Variants in PCDH9 observed in about 807,000 individuals in gnomAD.
PCDH9 encodes protocadherin 9.
In PCDH9, 24 loss-of-function variants were observed where a neutral mutation model predicts 70.6. The observed-to-expected ratio is 0.34, with a 90% CI of 0.25 to 0.48. The LOEUF (loss-of-function observed/expected upper bound fraction) is 0.48. Among genes scored for constraint, PCDH9 ranks in the 20% least tolerant of loss-of-function variants. The pLI is 0.99. For missense variants in PCDH9, 1,281 were observed against 1,503.6 expected (o/e 0.85, Z 2.45); for synonymous variants, 562 against 558.5 (o/e 1.01, Z -0.09).
intron 3 of PCDH9, among the ~76,000 whole-genome samples, chr13:66,736,913 T>A (rs1255436066): frequency 6.6e-6 from 1 of 152,196 alleles, no homozygotes; most frequent in Admixed American, 6.5e-5. Context: ...AACCCTTAAC[T>A]GCCACCTTCT....
At chr13:67,003,010 T>C (rs1241809944) in intron 2 of PCDH9, among the ~76,000 whole-genome samples, 1 of 152,048 alleles carries the variant, frequency 6.6e-6, no homozygotes, top group African/African-American at 2.4e-5. Context: ...ATGTTAAATG[T>C]AGAAGTCAAA....
At chr13:66,503,977 C>A (rs1220926034) in intron 4 of PCDH9, among the ~76,000 whole-genome samples, 4 of 152,150 alleles carry the variant, frequency 2.6e-5, no homozygotes, top group Admixed American at 1.3e-4. Context: ...CAGGCTGTGT[C>A]GTAACTACGT....
chr13:67,167,855 G>A lies in PCDH9; in HGVS notation c.3036+57550C>T, dbSNP rs117215603. Among the ~76,000 whole-genome samples, 949 of 152,222 alleles carry A rather than the reference G, an allele frequency of 6.2e-3. 6 individuals carry two copies. Among genetic ancestry groups the A allele is most frequent in the Non-Finnish European group, 7.4e-3 (504 of 68,022 alleles). ...CTCATAACCCAATATGTTAGCAATA[G>A]CATTAAGACTAATGCATACAGGGAT... is the stretch of plus-strand genomic sequence containing the variant. On this transcript the variant is annotated intron_variant, in intron 2 of 4. Transcript: ENST00000377865.
rs1039552719 is a variant in PCDH9, at chr13:66,739,519, A to G, written c.3139-108108T>C. Among the ~76,000 whole-genome samples, 190 of 144,846 alleles carry G rather than the reference A, an allele frequency of 1.3e-3. 2 individuals carry two copies. The highest frequency in any genetic ancestry group is 2.4e-3 in the Non-Finnish European group (156 of 65,426). ...TTAACTTTAAATGTAAATGGACTAA[A>G]TTCTCCAATTAAAAGACACAGACTG... On this transcript the variant is annotated intron_variant, in intron 3 of 4. Transcript: ENST00000377865.
intron 3 of PCDH9, among the ~76,000 whole-genome samples, chr13:66,664,351 T>G (rs1338813032): frequency 6.6e-6 from 1 of 152,214 alleles, no homozygotes; most frequent in Admixed American, 6.5e-5. Flanking sequence ...AATAGTAGTT[T>G]GTTATGACTT....
chr13:66,672,447 C>T (rs1005223610), intron 3 of PCDH9, among the ~76,000 whole-genome samples: 5 of 152,116 alleles, frequency 3.3e-5, no homozygotes, highest in Non-Finnish European at 5.9e-5. Context: ...GGGAAGAGCC[C>T]TCATGCAGAA....
chr13:67,160,194 G>A (rs1169218197), intron 2 of PCDH9, among the ~76,000 whole-genome samples: 1 of 152,106 alleles, frequency 6.6e-6, no homozygotes, highest in African/African-American at 2.4e-5. Context: ...TACTCCAAAA[G>A]TTTTATAAGT....
At chr13:66,866,724 G>A (rs1213609565) in intron 3 of PCDH9, among the ~76,000 whole-genome samples, 1 of 151,902 alleles carries the variant, frequency 6.6e-6, no homozygotes, top group Non-Finnish European at 1.5e-5. Context: ...TTGAACCCAG[G>A]ATACGGAGGT....
intron 2 of PCDH9, among the ~76,000 whole-genome samples, chr13:67,080,094 G>A (rs779461586): frequency 2.0e-5 from 3 of 152,164 alleles, no homozygotes; most frequent in South Asian, 4.1e-4. Flanking sequence ...TGGCTGCCTC[G>A]GGCACACTTT....
intron 4 of PCDH9, among the ~76,000 whole-genome samples, chr13:66,581,404 T>C (rs762054207): frequency 6.6e-6 from 1 of 152,138 alleles, no homozygotes; most frequent in Non-Finnish European, 1.5e-5. Flanking sequence ...AATAAGGAGA[T>C]TAACATTAAA....
chr13:67,040,333 TC>T, intron 2 of PCDH9, among the ~76,000 whole-genome samples: 1 of 152,210 alleles, frequency 6.6e-6, no homozygotes, highest in African/African-American at 2.4e-5. Flanking sequence ...CTGAAACTGC[TC>T]GTGGTGGTAA....
intron 2 of PCDH9, among the ~76,000 whole-genome samples, chr13:67,144,113 G>A (rs1433736739): frequency 6.6e-6 from 1 of 152,142 alleles, no homozygotes; most frequent in Non-Finnish European, 1.5e-5. Context: ...TGTGTGAAGA[G>A]GAAATGCAAA....
At chr13:67,229,036 A>T (rs1207833295) in intron 1 of PCDH9, among the ~76,000 whole-genome samples, 1 of 152,156 alleles carries the variant, frequency 6.6e-6, no homozygotes, top group African/African-American at 2.4e-5. Flanking sequence ...TATCTTTTCT[A>T]AAAAGGCTAT....
intron 2 of PCDH9, among the ~76,000 whole-genome samples, chr13:66,905,322 A>G (rs1169341881): frequency 2.0e-5 from 3 of 152,094 alleles, no homozygotes; most frequent in Non-Finnish European, 4.4e-5. Context: ...GGTTTCATGT[A>G]TCATATAGTT....
At chr13:66,565,814 TA>T (rs1486303752) in intron 4 of PCDH9, among the ~76,000 whole-genome samples, 2 of 152,188 alleles carry the variant, frequency 1.3e-5, no homozygotes, top group Non-Finnish European at 2.9e-5. Flanking sequence ...GATATAAATA[TA>T]AAGGGATTTT....
intron 4 of PCDH9, among the ~76,000 whole-genome samples, chr13:66,406,090 G>T (rs566829620): frequency 6.6e-6 from 1 of 152,132 alleles, no homozygotes; most frequent in Non-Finnish European, 1.5e-5. Flanking sequence ...ATGCAGGATT[G>T]TGGATAGTAA....
chr13:67,000,923 T>C (rs1248837364), intron 2 of PCDH9, among the ~76,000 whole-genome samples: 1 of 152,172 alleles, frequency 6.6e-6, no homozygotes, highest in Non-Finnish European at 1.5e-5. Flanking sequence ...TTATAGAAAA[T>C]CTTTATTGGT....
chr13:66,442,054 A>G (rs1035744811), intron 4 of PCDH9, among the ~76,000 whole-genome samples: 1 of 152,152 alleles, frequency 6.6e-6, no homozygotes, highest in African/African-American at 2.4e-5. Context: ...TATCCACATC[A>G]TAAGTTTACA....
chr13:67,112,113 A>G (rs2086670113), intron 2 of PCDH9, among the ~76,000 whole-genome samples: 1 of 152,192 alleles, frequency 6.6e-6, no homozygotes, highest in Admixed American at 6.5e-5. Flanking sequence ...GACTTTCATT[A>G]GAGCCAGGCT....
Sources: allele counts gnomAD v4.1 joint callset (sites outside exome capture counted in the v4.1 genomes callset), GRCh38; gene constraint gnomAD v4.1.1; transcripts MANE v1.5; gene names NCBI Gene and HGNC (gene_info 2026-07-23, HGNC 2026-07-21).